STYXL1: variants seen among roughly 807,000 people sequenced by gnomAD.
STYXL1 encodes serine/threonine/tyrosine interacting like 1, also known as serine/threonine/tyrosine-interacting-like protein 1.
STYXL1 carries 32 observed loss-of-function variants against 36.4 expected under a neutral mutation model. The observed-to-expected ratio is 0.88, with a 90% CI of 0.66 to 1.18. The LOEUF (loss-of-function observed/expected upper bound fraction) is 1.18. Ranked by LOEUF, STYXL1 falls within the 50% of genes most tolerant of loss-of-function variation. The pLI, the probability that STYXL1 is intolerant of heterozygous loss-of-function variation, is 0.00. For synonymous variants in STYXL1, 133 were observed against 144.1 expected, an observed-to-expected ratio of 0.92 and a Z score of 0.55; for missense variants, 354 against 394.1, an observed-to-expected ratio of 0.90 and a Z score of 0.86.
intron 5 of STYXL1, among the ~76,000 whole-genome samples, chr7:76,010,445 G>C (rs1792418905): frequency 6.6e-6 from 1 of 152,084 alleles, no homozygotes; most frequent in African/African-American, 2.4e-5. Flanking sequence ...GCGGGGCAGG[G>C]GACGGGTCAT....
chr7:76,017,867 A>C, intron 4 of STYXL1, among the ~76,000 whole-genome samples: 1 of 100,150 alleles, frequency 1.0e-5, no homozygotes, highest in Non-Finnish European at 2.0e-5. Context: ...ACTCCATCTC[A>C]AAAAAAAAAA....
chr7:76,028,099 A>G (rs1252180174), intron 3 of STYXL1, among the ~76,000 whole-genome samples: 3 of 152,092 alleles, frequency 2.0e-5, no homozygotes, highest in African/African-American at 7.2e-5. Context: ...CAGTGGCGTG[A>G]TCTCAGCTCA....
intron 4 of STYXL1, among the ~76,000 whole-genome samples, chr7:76,018,237 CA>C (rs1156845841): frequency 7.9e-5 from 12 of 152,198 alleles, no homozygotes; most frequent in Middle Eastern, 3.4e-3. Context: ...CGTTTTTCCC[CA>C]AACTCCCAGC....
intron 5 of STYXL1, among the ~76,000 whole-genome samples, chr7:76,013,017 G>GTTGAA (rs1792762708): frequency 6.6e-6 from 1 of 152,154 alleles, no homozygotes; most frequent in Non-Finnish European, 1.5e-5. Context: ...CAACCCGACA[G>GTTGAA]CCATCAGTTC....
chr7:76,021,631 A>C (rs782627577), intron 4 of STYXL1, among the ~76,000 whole-genome samples: 2 of 151,822 alleles, frequency 1.3e-5, no homozygotes, highest in Non-Finnish European at 2.9e-5. Flanking sequence ...TCCCCTTAAA[A>C]ACCCCATTCC....
intron 1 of STYXL1, among the ~76,000 whole-genome samples, chr7:76,039,213 G>A (rs532209257): frequency 3.3e-5 from 5 of 149,488 alleles, no homozygotes; most frequent in Non-Finnish European, 5.9e-5. Flanking sequence ...TGGGATTACA[G>A]GCGTGAGTCA....
At chr7:76,020,899 T>C (rs1227001210) in intron 4 of STYXL1, among the ~76,000 whole-genome samples, 1 of 152,018 alleles carries the variant, frequency 6.6e-6, no homozygotes, top group Non-Finnish European at 1.5e-5. Context: ...ATGGCACACA[T>C]GGAACTGTCC....
intron 5 of STYXL1, among the ~76,000 whole-genome samples, chr7:76,008,968 C>T (rs1218655520): frequency 6.6e-6 from 1 of 152,092 alleles, no homozygotes; most frequent in Admixed American, 6.6e-5. Context: ...TACCACTGTA[C>T]TCCAGCCTGG....
chr7:76,024,398 T>A (rs1026711321), intron 3 of STYXL1, among the ~76,000 whole-genome samples: 21 of 152,016 alleles, frequency 1.4e-4, no homozygotes, highest in Non-Finnish European at 2.9e-5. Flanking sequence ...GAGGGAGGAC[T>A]GCTTGAGCCC....
intron 5 of STYXL1, among the ~76,000 whole-genome samples, chr7:76,009,007 CCAAAA>C (rs1401084872): frequency 3.3e-5 from 5 of 151,426 alleles, no homozygotes; most frequent in African/African-American, 1.2e-4. Context: ...CAAAAAAAAA[CCAAAA>C]CAAAACAAAA....
intron 7 of STYXL1, among the ~76,000 whole-genome samples, chr7:76,002,824 T>A (rs782192729): frequency 2.6e-5 from 4 of 152,166 alleles, no homozygotes; most frequent in Non-Finnish European, 5.9e-5. Flanking sequence ...CTTGGGAGGC[T>A]GAGGTAGGAG....
chr7:76,041,578 C>G (rs1796479911), intron 1 of STYXL1, among the ~76,000 whole-genome samples: 1 of 152,188 alleles, frequency 6.6e-6, no homozygotes, highest in Admixed American at 6.5e-5. Context: ...TTTTCCACGC[C>G]TAATTCCCTG....
At chr7:76,002,613 C>T (rs1554568054) in intron 7 of STYXL1, among the ~76,000 whole-genome samples, 1 of 152,186 alleles carries the variant, frequency 6.6e-6, no homozygotes, top group East Asian at 1.9e-4. Flanking sequence ...CAACATTTGA[C>T]ATCTACTGGG....
At chr7:76,016,529 C>A (rs1793401245) in intron 4 of STYXL1, among the ~76,000 whole-genome samples, 1 of 151,914 alleles carries the variant, frequency 6.6e-6, no homozygotes, top group Non-Finnish European at 1.5e-5. Context: ...CCTATTAGTT[C>A]TGTCCCTCTA....
intron 3 of STYXL1, among the ~76,000 whole-genome samples, chr7:76,025,995 A>T (rs1446809996): frequency 6.6e-6 from 1 of 150,886 alleles, no homozygotes; most frequent in South Asian, 2.1e-4. Flanking sequence ...GATCGAGAGC[A>T]TCCTGGCTAA....
intron 5 of STYXL1, among the ~76,000 whole-genome samples, chr7:76,008,026 C>T (rs1252376431): frequency 1.3e-5 from 2 of 151,528 alleles, no homozygotes; most frequent in Non-Finnish European, 2.9e-5. Flanking sequence ...TGGTGAAACC[C>T]TGTCTCTACT....
At chr7:76,014,438 AGCTCCTGG>A (rs1465617388) in intron 4 of STYXL1, among the ~76,000 whole-genome samples, 1 of 151,108 alleles carries the variant, frequency 6.6e-6, no homozygotes, top group African/African-American at 2.4e-5. Context: ...TGCAACCTCC[AGCTCCTGG>A]GCTCACACCA....
At chr7:76,026,231 C>CAGCAG (rs1794707545) in intron 3 of STYXL1, among the ~76,000 whole-genome samples, 1 of 71,700 alleles carries the variant, frequency 1.4e-5, no homozygotes, top group Non-Finnish European at 3.2e-5. Flanking sequence ...AAAAAAAAAG[C>CAGCAG]AGCAGAGACA....
chr7:76,027,029 C>T (rs1554577915), intron 3 of STYXL1, among the ~76,000 whole-genome samples: 1 of 151,912 alleles, frequency 6.6e-6, no homozygotes, highest in East Asian at 1.9e-4. Flanking sequence ...TGCCACTGCA[C>T]TCCAGCCTGG....
Sources: gnomAD v4.1 joint callset for allele counts (sites outside exome capture counted in the v4.1 genomes callset) on GRCh38, gnomAD v4.1.1 for gene constraint, MANE v1.5 for transcripts, NCBI Gene and HGNC (gene_info 2026-07-23, HGNC 2026-07-21) for gene names.